FAM117B: variants seen among roughly 807,000 people sequenced by gnomAD.
FAM117B encodes the protein family with sequence similarity 117 member B.
FAM117B carries 22 observed loss-of-function variants against 52.8 expected under a neutral mutation model. That is an observed-to-expected ratio of 0.42 (90% confidence interval 0.30 to 0.59). The LOEUF (loss-of-function observed/expected upper bound fraction) is 0.59. FAM117B is among the 20% of genes least tolerant of loss of function. FAM117B has a pLI of 0.22. For missense variants in FAM117B, 678 were observed against 802.6 expected (o/e 0.84, Z 1.88); for synonymous variants, 309 against 324.1 (o/e 0.95, Z 0.50).
At position 202,635,621 on chromosome 2, in the gene FAM117B, CGCT is replaced by C. The variant is rs1034775793; in HGVS notation, c.439_441del (p.Leu147del). The C allele has an allele frequency of 1.3e-4, 166 of 1,292,840 alleles. No individual in the cohort carries two copies. Among genetic ancestry groups the C allele is most frequent in the Non-Finnish European group, 1.5e-4 (158 of 1,025,716 alleles). The allele number at this position is 1,292,840 out of a possible 1,614,324, so 80.1% of individuals were successfully genotyped here. ...CCCCCACGGCCGCCGCCGCCGCCGC[CGCT>C]GCTGGGCACCGTGTCGTCGCCCAGC... is the stretch of plus-strand genomic sequence containing the variant. On this transcript the variant is annotated inframe_deletion, in exon 1 of 8. Coordinates refer to ENST00000392238, the MANE Select transcript of FAM117B (RefSeq NM_173511.4).
At chr2:202,691,306 C>T (rs1191261336) in intron 1 of FAM117B, among the ~76,000 whole-genome samples, 1 of 152,026 alleles carries the variant, frequency 6.6e-6, no homozygotes. Flanking sequence ...GTAATCCCAG[C>T]TACTTGGGAG....
chr2:202,738,976 G>A (rs1244897382), intron 4 of FAM117B, among the ~76,000 whole-genome samples: 1 of 152,146 alleles, frequency 6.6e-6, no homozygotes, highest in Non-Finnish European at 1.5e-5. Context: ...GACACTTGAG[G>A]TCAGGAGTTT....
At chr2:202,682,049 G>A (rs746859745) in intron 1 of FAM117B, among the ~76,000 whole-genome samples, 3 of 152,210 alleles carry the variant, frequency 2.0e-5, no homozygotes, top group African/African-American at 4.8e-5. Context: ...GCTTGACAGC[G>A]CAGCTTCAGA....
intron 4 of FAM117B, among the ~76,000 whole-genome samples, chr2:202,741,966 C>T (rs1691549077): frequency 6.6e-6 from 1 of 152,134 alleles, no homozygotes; most frequent in South Asian, 2.1e-4. Flanking sequence ...GCAAAAACAA[C>T]TAAATACTTA....
intron 7 of FAM117B, among the ~76,000 whole-genome samples, chr2:202,761,406 T>G (rs1691885610): frequency 1.3e-5 from 2 of 152,238 alleles, no homozygotes; most frequent in South Asian, 4.1e-4. Flanking sequence ...ACTACTACAT[T>G]ATTTATCTTT....
chr2:202,760,048 T>C (rs1035528949), intron 7 of FAM117B, among the ~76,000 whole-genome samples: 1 of 152,050 alleles, frequency 6.6e-6, no homozygotes, highest in Admixed American at 6.5e-5. Context: ...TAGTGATCAC[T>C]CATATATCTA....
chr2:202,700,685 ATTTT>A (rs747907499), intron 2 of FAM117B, among the ~76,000 whole-genome samples: 1 of 138,118 alleles, frequency 7.2e-6, no homozygotes, highest in Admixed American at 7.2e-5. Flanking sequence ...CTAAACAAGA[ATTTT>A]TTTTTTTTTT....
chr2:202,679,906 A>G (rs1222634967), intron 1 of FAM117B, among the ~76,000 whole-genome samples: 2 of 152,228 alleles, frequency 1.3e-5, no homozygotes, highest in African/African-American at 4.8e-5. Context: ...AATAGAGATA[A>G]TATTATATGA....
intron 2 of FAM117B, among the ~76,000 whole-genome samples, chr2:202,696,705 A>G (rs1197382248): frequency 6.6e-6 from 1 of 152,222 alleles, no homozygotes; most frequent in Non-Finnish European, 1.5e-5. Flanking sequence ...ATTCTGACAA[A>G]GGGACTCTGG....
chr2:202,635,204 G>A lies in FAM117B; in HGVS notation c.17G>A (p.Arg6Lys). The A allele has an allele frequency of 7.7e-7, 1 of 1,296,598 alleles. No individual in the cohort carries two copies. Among genetic ancestry groups the A allele is most frequent in the Middle Eastern group, 2.7e-4 (1 of 3,736 alleles). The allele number at this position is 1,296,598 out of a possible 1,614,324, so 80.3% of individuals were successfully genotyped here. The change falls in exon 1 of 8, where the codon AGG becomes AAG. Residue 6 changes from arginine (R) to lysine (K), a missense_variant. Arg to Lys is a conservative substitution (Grantham distance 26). This residue lies in a region of FAM117B where 583 missense variants were observed against 644.8 expected (regional missense o/e 0.90). Coordinates refer to ENST00000392238, the MANE Select transcript of FAM117B (RefSeq NM_173511.4). ...GGGGGGACCATGTCCCAGCGGGTGAGGCGCAATGGGTCCCCCACGCCGGCC... is the reference window on the plus strand; with the variant it reads ...GGGGGGACCATGTCCCAGCGGGTGAAGCGCAATGGGTCCCCCACGCCGGCC... MSQRV[R>K]RNGSPTPAGS...
intron 2 of FAM117B, among the ~76,000 whole-genome samples, chr2:202,702,070 A>C (rs993886141): frequency 6.6e-6 from 1 of 152,180 alleles, no homozygotes; most frequent in Non-Finnish European, 1.5e-5. Context: ...GAGTCCGTTG[A>C]TGCAGCAAAC....
intron 4 of FAM117B, among the ~76,000 whole-genome samples, chr2:202,737,700 C>G (rs954858903): frequency 2.6e-5 from 4 of 151,826 alleles, no homozygotes; most frequent in African/African-American, 9.7e-5. Flanking sequence ...CTCTTGGGTT[C>G]AAGCGATTTT....
chr2:202,645,986 G>C (rs1395966782), intron 1 of FAM117B, among the ~76,000 whole-genome samples: 3 of 151,700 alleles, frequency 2.0e-5, no homozygotes, highest in Admixed American at 6.6e-5. Context: ...AAGAGCACTT[G>C]CCTTGCTGTT....
At chr2:202,750,010 G>A (rs543383862) in intron 4 of FAM117B, among the ~76,000 whole-genome samples, 1 of 152,330 alleles carries the variant, frequency 6.6e-6, no homozygotes, top group Admixed American at 6.5e-5. Context: ...TTACACAACA[G>A]AAATTTATCT....
chr2:202,640,619 CT>C (rs763962350), intron 1 of FAM117B, among the ~76,000 whole-genome samples: 78 of 144,026 alleles, frequency 5.4e-4, no homozygotes, highest in South Asian at 6.6e-4. Context: ...CAAGGGAATT[CT>C]TTTTTTTTTT....
At chr2:202,635,872 A>G (rs1689676825) in intron 1 of FAM117B, 84 bp downstream of exon 1, 31 of 1,246,326 alleles carry the variant, frequency 2.5e-5, no homozygotes, top group Admixed American at 4.2e-5. Flanking sequence ...CGGGGACTGC[A>G]GAGCTGCCGC....
chr2:202,691,649 T>TTGTGTGTGTGTGTGTTTG (rs1360538629), intron 1 of FAM117B, among the ~76,000 whole-genome samples: 1 of 126,810 alleles, frequency 7.9e-6, no homozygotes, highest in Admixed American at 7.8e-5. Flanking sequence ...CCAGTTTACA[T>TTGTGTGTGTGTGTGTTTG]TGTGTGTGTG....
intron 1 of FAM117B, among the ~76,000 whole-genome samples, chr2:202,655,755 AGAGAGAGTGTGT>A (rs1690046178): frequency 7.5e-6 from 1 of 133,554 alleles, no homozygotes; most frequent in Non-Finnish European, 1.6e-5. Flanking sequence ...AGAGAGAGAG[AGAGAGAGTGTGT>A]GTGTGTGTGT....
intron 4 of FAM117B, among the ~76,000 whole-genome samples, chr2:202,730,751 C>T (rs1426398049): frequency 6.6e-6 from 1 of 152,174 alleles, no homozygotes; most frequent in African/African-American, 2.4e-5. Context: ...ATAAAAGTAA[C>T]TCAAAATCGT....
Sources: allele counts gnomAD v4.1 joint callset (sites outside exome capture counted in the v4.1 genomes callset), GRCh38; gene constraint gnomAD v4.1.1; regional missense constraint gnomAD v4.1.1; transcripts MANE v1.5; gene names NCBI Gene and HGNC (gene_info 2026-07-23, HGNC 2026-07-21).